Variants in QPCT observed in about 807,000 individuals in gnomAD.
QPCT encodes glutaminyl-peptide cyclotransferase.
Under a neutral mutation model 43.4 loss-of-function variants are expected in QPCT, and 44 were observed. The ratio of observed to expected loss-of-function variants is 1.01; its 90% CI spans 0.80 to 1.30. QPCT has a LOEUF of 1.30. Ranked by LOEUF, QPCT falls within the 50% of genes most tolerant of loss-of-function variation. QPCT has a pLI of 0.00. For synonymous variants in QPCT, 168 were observed against 168.4 expected, an observed-to-expected ratio of 1.00 and a Z score of 0.02; for missense variants, 526 against 436.5, an observed-to-expected ratio of 1.21 and a Z score of -1.83.
intron 3 of QPCT, among the ~76,000 whole-genome samples, chr2:37,361,981 A>T (rs528439373): frequency 6.6e-6 from 1 of 152,360 alleles, no homozygotes; most frequent in South Asian, 2.1e-4. Flanking sequence ...TTTTTCTGCC[A>T]TTCCTGAAAT....
chr2:37,344,687 A>G lies in QPCT; in HGVS notation c.-45A>G. ...AAGGACGCGCGTTCCCGGGCTCGTG[A>G]CCGCCAGCGGCCCGGGGAACCCGCT... On this transcript the variant is annotated 5_prime_UTR_variant, in exon 1 of 7. Transcript: ENST00000338415. 1 of 1,564,606 alleles carries G rather than the reference A, an allele frequency of 6.4e-7. No homozygotes were observed. The highest frequency in any genetic ancestry group is 8.6e-7 in the Non-Finnish European group (1 of 1,157,138).
intron 3 of QPCT, among the ~76,000 whole-genome samples, chr2:37,363,422 A>G (rs182565038): frequency 6.7e-6 from 1 of 148,616 alleles, no homozygotes; most frequent in Non-Finnish European, 1.5e-5. Flanking sequence ...CAAGAGTTTG[A>G]GACCAGCCTG....
rs568305179 is a variant in QPCT at position 37,345,629 on chromosome 2, A to G, written c.120+778A>G. Among the ~76,000 whole-genome samples, 8 of 152,162 alleles carry G rather than the reference A, an allele frequency of 5.3e-5. No homozygotes were observed. In the South Asian group the frequency reaches 1.5e-3, roughly 28 times the overall value. ...GGCGGGTGGATCACGAGGTCAGGAG[A>G]TCGAGACCATCAGGGCTAACATGGT... is the stretch of plus-strand genomic sequence containing the variant. On this transcript the variant is annotated intron_variant, in intron 1 of 6. Transcript: ENST00000338415.
intron 1 of QPCT, among the ~76,000 whole-genome samples, chr2:37,346,169 G>A (rs1325004699): frequency 6.6e-6 from 1 of 152,128 alleles, no homozygotes; most frequent in Non-Finnish European, 1.5e-5. Context: ...TCAATTCTTC[G>A]GATCTAATGT....
chr2:37,372,052 C>T (rs867228103), intron 5 of QPCT, among the ~76,000 whole-genome samples: 96 of 152,298 alleles, frequency 6.3e-4, no homozygotes, highest in African/African-American at 2.2e-3. Context: ...CTTCCACCCA[C>T]CTGTCCTCTG....
At chr2:37,364,792 G>A (rs1672929071) in intron 3 of QPCT, among the ~76,000 whole-genome samples, 1 of 151,544 alleles carries the variant, frequency 6.6e-6, no homozygotes, top group African/African-American at 2.4e-5. Flanking sequence ...CGTCTATGTG[G>A]AGATCTTCAT....
chr2:37,352,152 CA>C (rs908318558), intron 1 of QPCT, among the ~76,000 whole-genome samples: 3 of 151,902 alleles, frequency 2.0e-5, no homozygotes, highest in Non-Finnish European at 4.4e-5. Flanking sequence ...CCTAATATGT[CA>C]AAAAATTACC....
chr2:37,368,726 G>A (rs1037546116), intron 4 of QPCT: 2 of 470,654 alleles, frequency 4.2e-6, no homozygotes, highest in African/African-American at 2.0e-5. Flanking sequence ...TTCACAAGAG[G>A]AGACGCCTGG....
At chr2:37,364,963 G>C (rs529606861) in intron 3 of QPCT, among the ~76,000 whole-genome samples, 1 of 148,204 alleles carries the variant, frequency 6.7e-6, no homozygotes, top group East Asian at 1.9e-4. Context: ...TATATAGAGA[G>C]ACCAGCCTGG....
At chr2:37,346,446 A>C (rs1672490585) in intron 1 of QPCT, among the ~76,000 whole-genome samples, 1 of 152,214 alleles carries the variant, frequency 6.6e-6, no homozygotes. Context: ...TATCTTTGTG[A>C]TACATCTAAA....
intron 3 of QPCT, among the ~76,000 whole-genome samples, chr2:37,360,813 T>C (rs1036960308): frequency 2.6e-5 from 4 of 152,236 alleles, no homozygotes; most frequent in Non-Finnish European, 1.5e-5. Context: ...CTTTGTCCCA[T>C]GCTTTGCCCT....
chr2:37,349,528 AC>A (rs2124931539), intron 1 of QPCT, among the ~76,000 whole-genome samples: 1 of 152,306 alleles, frequency 6.6e-6, no homozygotes, highest in East Asian at 1.9e-4. Flanking sequence ...TTCACTCTGG[AC>A]ATGGAGTGAA....
intron 2 of QPCT, among the ~76,000 whole-genome samples, chr2:37,353,928 G>C (rs1273824079): frequency 2.0e-5 from 3 of 152,138 alleles, no homozygotes; most frequent in Non-Finnish European, 4.4e-5. Flanking sequence ...GCAGTGGCGC[G>C]ATCTCGGTTC....
intron 3 of QPCT, 38 bp from the exon 4 acceptor site, chr2:37,367,194 G>A: frequency 6.4e-7 from 1 of 1,560,972 alleles, no homozygotes; most frequent in Non-Finnish European, 8.7e-7. Context: ...CATCATCACA[G>A]TATTTTTTTG....
chr2:37,367,962 G>A (rs1672999798), intron 4 of QPCT, among the ~76,000 whole-genome samples: 1 of 152,176 alleles, frequency 6.6e-6, no homozygotes, highest in African/African-American at 2.4e-5. Context: ...TGGATTACAG[G>A]AACTTCAGAT....
intron 3 of QPCT, among the ~76,000 whole-genome samples, chr2:37,363,061 C>G (rs905246692): frequency 1.3e-5 from 2 of 152,230 alleles, no homozygotes; most frequent in African/African-American, 4.8e-5. Flanking sequence ...ACACATTGAA[C>G]AGTGAGATCT....
chr2:37,347,144 T>TTATATATATATATATATATATATATA (rs10558124), intron 1 of QPCT, among the ~76,000 whole-genome samples: 5 of 55,346 alleles, frequency 9.0e-5, no homozygotes, highest in African/African-American at 4.7e-4. Flanking sequence ...ATGGGGTGTT[T>TTATATATATATATATATATATATATA]TATATATATA....
In QPCT at chr2:37,344,690, G is replaced by T. The variant is rs759956431; in HGVS notation, c.-42G>T. 4.5e-6 allele frequency: 7 copies of T among 1,567,344 alleles called. No homozygotes were observed. The highest frequency in any genetic ancestry group is 3.5e-5 in the South Asian group (3 of 86,824). On this transcript the variant is annotated 5_prime_UTR_variant, in exon 1 of 7. Coordinates refer to ENST00000338415, the MANE Select transcript of QPCT (RefSeq NM_012413.4). ...GACGCGCGTTCCCGGGCTCGTGACC[G>T]CCAGCGGCCCGGGGAACCCGCTCCC... is the stretch of plus-strand genomic sequence containing the variant.
At chr2:37,348,063 C>CGCGTGT (rs1553384396) in intron 1 of QPCT, among the ~76,000 whole-genome samples, 4 of 148,388 alleles carry the variant, frequency 2.7e-5, no homozygotes, top group African/African-American at 9.9e-5. Flanking sequence ...CGCGCGCACG[C>CGCGTGT]GTGTGTGTGT....
Sources: gnomAD v4.1 joint callset for allele counts (sites outside exome capture counted in the v4.1 genomes callset) on GRCh38, gnomAD v4.1.1 for gene constraint, MANE v1.5 for transcripts, NCBI Gene and HGNC (gene_info 2026-07-23, HGNC 2026-07-21) for gene names.